The following STXBP3 variants were observed in gnomAD, a reference collection of about 807,000 sequenced individuals.
The protein encoded by STXBP3 is syntaxin-binding protein 3.
Under a neutral mutation model 85.7 loss-of-function variants are expected in STXBP3, and 41 were observed. That is an observed-to-expected ratio of 0.48 (90% CI 0.37 to 0.62). STXBP3 has a LOEUF of 0.62. Ranked by LOEUF, STXBP3 falls within the 20% of genes least tolerant of loss-of-function variation. The pLI is 0.00. For synonymous variants in STXBP3, 229 were observed against 231.7 expected, an observed-to-expected ratio of 0.99 and a Z score of 0.10; for missense variants, 563 against 703.1, an observed-to-expected ratio of 0.80 and a Z score of 2.25.
intron 13 of STXBP3, 68 bp downstream of exon 13, chr1:108,794,975 C>G: frequency 7.1e-7 from 1 of 1,415,810 alleles, no homozygotes; most frequent in Non-Finnish European, 9.6e-7. Flanking sequence ...AAGTTAAAAC[C>G]TAACTTTTTG....
intron 11 of STXBP3, among the ~76,000 whole-genome samples, chr1:108,791,159 C>T (rs1022355289): frequency 6.6e-6 from 1 of 152,120 alleles, no homozygotes; most frequent in Non-Finnish European, 1.5e-5. Flanking sequence ...TTCCTTTCAG[C>T]AATTTAAAGC....
In STXBP3 at chr1:108,772,328, CTGTATCATATATAAATACATATGA is replaced by C. The variant is rs1557806510; in HGVS notation, c.439-335_439-312del. 2.0e-3 allele frequency among the ~76,000 whole-genome samples: 133 copies of C among 66,588 alleles called. 42 individuals are homozygous for C. The highest frequency in any genetic ancestry group is 2.9e-3 in the Non-Finnish European group (86 of 29,358). The allele number at this position is 66,588 out of a possible 152,430, so 43.7% of individuals were successfully genotyped here. A position where few individuals can be genotyped will look rare whatever the true frequency, so the allele number is the denominator to read the frequency against. On this transcript the variant is annotated intron_variant, in intron 6 of 18. Coordinates refer to ENST00000370008, the MANE Select transcript of STXBP3 (RefSeq NM_007269.4). ...TATCATATATAAATACATATGATATCTGTATCATATATAAATACATATGATATCTGTATCATATATAAATACATA... is the reference window on the plus strand; with the variant it reads ...TATCATATATAAATACATATGATATCTATCTGTATCATATATAAATACATA...
intron 3 of STXBP3, among the ~76,000 whole-genome samples, chr1:108,756,457 C>T (rs1201911246): frequency 6.6e-6 from 1 of 151,934 alleles, no homozygotes; most frequent in Non-Finnish European, 1.5e-5. Context: ...TGAATAATTT[C>T]TTACATTATT....
chr1:108,767,548 G>T (rs1662292198), intron 6 of STXBP3: 1 of 165,008 alleles, frequency 6.1e-6, no homozygotes, highest in South Asian at 1.5e-4. Context: ...GTGTTGTCCA[G>T]GTCAAAGAAA....
intron 6 of STXBP3, among the ~76,000 whole-genome samples, chr1:108,764,655 G>C (rs1468218393): frequency 6.6e-6 from 1 of 152,110 alleles, no homozygotes; most frequent in Non-Finnish European, 1.5e-5. Context: ...TCAGTGATTT[G>C]AGCCATTTTT....
intron 7 of STXBP3, among the ~76,000 whole-genome samples, chr1:108,773,805 G>A (rs1047527478): frequency 2.6e-5 from 4 of 152,016 alleles, no homozygotes; most frequent in African/African-American, 4.8e-5. Flanking sequence ...TCATGCAAAC[G>A]CCACACAGAC....
At chr1:108,784,834 A>G (rs2101125519) in intron 11 of STXBP3, among the ~76,000 whole-genome samples, 1 of 152,350 alleles carries the variant, frequency 6.6e-6, no homozygotes, top group Admixed American at 6.5e-5. Flanking sequence ...ATTGGCCATA[A>G]CAGAGGGGCT....
chr1:108,795,926 C>T (rs1319594103), intron 13 of STXBP3, among the ~76,000 whole-genome samples: 1 of 148,596 alleles, frequency 6.7e-6, no homozygotes, highest in African/African-American at 2.5e-5. Flanking sequence ...AGTGCAATGG[C>T]CCAATCATGG....
chr1:108,772,364 TATATAAATAC>T lies in STXBP3; in HGVS notation c.439-296_439-287del, dbSNP rs1469780787. On this transcript the variant is annotated intron_variant, in intron 6 of 18. Coordinates refer to ENST00000370008, the MANE Select transcript of STXBP3 (RefSeq NM_007269.4). ...ATAAATACATATGATATCTGTATCA[TATATAAATAC>T]ATATGATATCTGTATATATAAATAC... Among the ~76,000 whole-genome samples the T allele has an allele frequency of 7.5e-4, 38 of 50,962 alleles. 8 individuals carry two copies. The highest frequency in any genetic ancestry group is 3.2e-3 in the African/African-American group (37 of 11,424). 33.4% of individuals were successfully genotyped at this position (50,962 alleles called of 152,430 possible).
At chr1:108,779,487 C>A in intron 9 of STXBP3, 77 bp downstream of exon 9, 2 of 1,399,324 alleles carry the variant, frequency 1.4e-6, no homozygotes, top group Non-Finnish European at 1.9e-6. Context: ...TTTATATAGG[C>A]ACCAGAAATC....
intron 8 of STXBP3, among the ~76,000 whole-genome samples, chr1:108,779,063 A>G (rs983720099): frequency 2.6e-5 from 4 of 152,186 alleles, no homozygotes; most frequent in Non-Finnish European, 5.9e-5. Context: ...TTTTAGTTAT[A>G]TAGTCTTCAT....
rs1219042264 is a variant in STXBP3, at chr1:108,794,872, A to G, written c.1075A>G (p.Lys359Glu). ...NLAEDCMNKFKLNIEKLCKTE... is the reference protein window; with the variant it reads ...NLAEDCMNKFELNIEKLCKTE... ...AGCAGAAGATTGCATGAATAAGTTC[A>G]AGCTTAATATAGAAAAGCTCTGCAA... The change falls in exon 13 of 19, where the codon AAG becomes GAG. Residue 359 changes from lysine to glutamate, a missense_variant. Physicochemically the swap from Lys to Glu is moderately conservative, Grantham distance 56. Transcript: ENST00000370008. 6.2e-7 allele frequency: 1 copy of G among 1,610,234 alleles called. No individual in the cohort carries two copies. The highest frequency in any genetic ancestry group is 1.7e-5 in the Admixed American group (1 of 59,820).
At chr1:108,760,242 C>T (rs991269005) in intron 6 of STXBP3, among the ~76,000 whole-genome samples, 157 bp downstream of exon 6, 4 of 151,994 alleles carry the variant, frequency 2.6e-5, no homozygotes, top group East Asian at 1.9e-4. Context: ...AAGTCAGACG[C>T]GTGAGCAATA....
chr1:108,769,837 T>C (rs1254691799), intron 6 of STXBP3, among the ~76,000 whole-genome samples: 3 of 152,210 alleles, frequency 2.0e-5, no homozygotes, highest in African/African-American at 4.8e-5. Context: ...TCATTTGTGT[T>C]GTCCATTGTT....
In STXBP3 at chr1:108,772,750, A is replaced by G. The variant is rs768952539; in HGVS notation, c.524A>G (p.Glu175Gly). 1 of 1,606,344 alleles carries G rather than the reference A, an allele frequency of 6.2e-7. No individual in the cohort carries two copies. The highest frequency in any genetic ancestry group is 2.3e-5 in the East Asian group (1 of 44,220). Residue 175 changes from glutamate (E) to glycine (G), a missense_variant, in exon 7 of 19, where the codon GAA becomes GGA. Around this residue, in one of 3 missense-constraint regions of STXBP3, gnomAD observed 494 missense variants for 592.8 expected, o/e 0.83. Coordinates refer to ENST00000370008, the MANE Select transcript of STXBP3 (RefSeq NM_007269.4). ...GCAAAGGGAAAAGATGCCATTATGG[A>G]AACAATGGCTGACCAGATAGTTACA... is the stretch of plus-strand genomic sequence containing the variant. ...GNAKGKDAIM[E>G]TMADQIVTVC...
intron 17 of STXBP3, among the ~76,000 whole-genome samples, 192 bp downstream of exon 17, chr1:108,800,497 A>G (rs1663211778): frequency 6.6e-6 from 1 of 152,248 alleles, no homozygotes; most frequent in African/African-American, 2.4e-5. Context: ...AAATATTTTC[A>G]TGAAACAAGA....
intron 11 of STXBP3, among the ~76,000 whole-genome samples, 189 bp downstream of exon 11, chr1:108,782,895 A>C (rs1662745656): frequency 1.3e-5 from 2 of 152,040 alleles, no homozygotes; most frequent in African/African-American, 2.4e-5. Flanking sequence ...GCTTCATTAA[A>C]ATTTTTTTAT....
At chr1:108,806,075 A>C (rs2101140295) in intron 17 of STXBP3, among the ~76,000 whole-genome samples, 1 of 151,390 alleles carries the variant, frequency 6.6e-6, no homozygotes, top group Admixed American at 6.6e-5. Flanking sequence ...TGTCATTTAC[A>C]CATTAATATA....
At chr1:108,752,135 G>A (rs2101101483) in intron 1 of STXBP3, 122 bp from the exon 2 acceptor site, 2 of 811,348 alleles carry the variant, frequency 2.5e-6, no homozygotes, top group East Asian at 2.6e-5. Context: ...TAACAAATAT[G>A]TATGCTTTTT....
Sources: allele counts gnomAD v4.1 joint callset (sites outside exome capture counted in the v4.1 genomes callset), GRCh38; gene constraint gnomAD v4.1.1; regional missense constraint gnomAD v4.1.1; transcripts MANE v1.5; gene names NCBI Gene and HGNC (gene_info 2026-07-23, HGNC 2026-07-21).